The following RBFOX1 variants were observed in gnomAD, a reference collection of about 807,000 sequenced individuals.
RBFOX1 encodes the protein RNA binding fox-1 homolog 1.
In RBFOX1, 8 loss-of-function variants were observed where a neutral mutation model predicts 57.7. The observed-to-expected ratio is 0.14, with a 90% CI of 0.08 to 0.25. The LOEUF (loss-of-function observed/expected upper bound fraction) is 0.25. Ranked by LOEUF, RBFOX1 falls within the 10% of genes least tolerant of loss-of-function variation. RBFOX1 has a pLI of 1.00. For synonymous variants in RBFOX1, 326 were observed against 222.4 expected (o/e 1.47, Z -4.15); for missense variants, 611 against 548.5 (o/e 1.11, Z -1.14).
rs1033164859 is a variant in RBFOX1, at chr16:6,785,423, C to T, written c.-16+130773C>T. Among the ~76,000 whole-genome samples the T allele has an allele frequency of 1.3e-4, 20 of 152,048 alleles. No individual in the cohort carries two copies. In the South Asian group the frequency reaches 2.7e-3, roughly 21 times the overall value. ...GAGAGGTCACTGTTTTTAGGCTGGG[C>T]AAAACTGCATTGATCCTTAGGAAGA... is the stretch of plus-strand genomic sequence containing the variant. On this transcript the variant is annotated intron_variant, in intron 3 of 15. Coordinates refer to ENST00000550418, the MANE Select transcript of RBFOX1 (RefSeq NM_018723.4).
At chr16:7,205,951 C>T (rs1201189870) in intron 4 of RBFOX1, among the ~76,000 whole-genome samples, 1 of 152,220 alleles carries the variant, frequency 6.6e-6, no homozygotes, top group Non-Finnish European at 1.5e-5. Flanking sequence ...GCCTGGTTTT[C>T]TCATACGATT....
At chr16:5,608,349 T>C (rs1469978359) in intron 3 of RBFOX1, among the ~76,000 whole-genome samples, 2 of 152,294 alleles carry the variant, frequency 1.3e-5, no homozygotes, top group Admixed American at 1.3e-4. Context: ...TAGCATACCA[T>C]GATTCTGGGA....
At chr16:6,955,883 T>G (rs1431752542) in intron 3 of RBFOX1, among the ~76,000 whole-genome samples, 1 of 151,932 alleles carries the variant, frequency 6.6e-6, no homozygotes, top group Non-Finnish European at 1.5e-5. Context: ...ATTTTGTAAT[T>G]TTAGTAGAGA....
intron 1 of RBFOX1, among the ~76,000 whole-genome samples, chr16:6,192,731 G>C (rs945004540): frequency 6.6e-6 from 1 of 152,124 alleles, no homozygotes; most frequent in African/African-American, 2.4e-5. Context: ...TAATTGTACT[G>C]ACCTCATAAG....
intron 1 of RBFOX1, among the ~76,000 whole-genome samples, chr16:6,193,062 G>C (rs1352917512): frequency 1.3e-5 from 2 of 151,952 alleles, no homozygotes; most frequent in Non-Finnish European, 1.5e-5. Context: ...AATTAAAGCA[G>C]TTTGTGACGT....
chr16:6,821,993 G>A (rs1452259895), intron 3 of RBFOX1, among the ~76,000 whole-genome samples: 1 of 152,144 alleles, frequency 6.6e-6, no homozygotes, highest in African/African-American at 2.4e-5. Context: ...ATACTTCGCT[G>A]ACATACCTTC....
In RBFOX1 at chr16:6,850,974, C is replaced by T. The variant is rs116365229; in HGVS notation, c.-16+196324C>T. Among the ~76,000 whole-genome samples the T allele has an allele frequency of 7.0e-3, 1,072 of 152,170 alleles. 8 individuals carry two copies. Among genetic ancestry groups the T allele is most frequent in the African/African-American group, 0.024 (976 of 41,500 alleles). The stretch of plus-strand genomic sequence containing the variant: ...TAATAGCTAAAGACTGTAAATAGCC[C>T]GTATGTTTTCAGTGCATGAATGGTT... On this transcript the variant is annotated intron_variant, in intron 3 of 15. Transcript: ENST00000550418.
chr16:6,284,231 G>C (rs2152705549), intron 1 of RBFOX1, among the ~76,000 whole-genome samples: 1 of 152,200 alleles, frequency 6.6e-6, no homozygotes, highest in South Asian at 2.1e-4. Context: ...CTTTGGCTTT[G>C]CTATTGGTAC....
intron 1 of RBFOX1, among the ~76,000 whole-genome samples, chr16:6,292,422 A>T (rs182950963): frequency 2.6e-4 from 40 of 152,142 alleles, no homozygotes; most frequent in Non-Finnish European, 1.0e-4. Context: ...TTCTCAGACA[A>T]AAGTAGTTCT....
intron 2 of RBFOX1, among the ~76,000 whole-genome samples, chr16:6,562,956 T>A (rs1396939561): frequency 7.0e-6 from 1 of 142,564 alleles, no homozygotes; most frequent in African/African-American, 2.6e-5. Flanking sequence ...CACAGCCCTT[T>A]CCTGGGTATG....
intron 2 of RBFOX1, among the ~76,000 whole-genome samples, chr16:6,392,641 A>T (rs757022883): frequency 3.3e-5 from 5 of 152,212 alleles, no homozygotes; most frequent in Non-Finnish European, 7.3e-5. Flanking sequence ...TCCTGGGACT[A>T]ATAGACCCCC....
chr16:5,295,025 T>TAAA (rs34929778), intron 1 of RBFOX1, among the ~76,000 whole-genome samples: 39 of 80,388 alleles, frequency 4.9e-4, no homozygotes, highest in African/African-American at 1.1e-3. Context: ...GTGAGACTCT[T>TAAA]AAAAAAAAAA....
chr16:5,843,161 A>C (rs2056669547), intron 3 of RBFOX1, among the ~76,000 whole-genome samples: 1 of 152,108 alleles, frequency 6.6e-6, no homozygotes, highest in Non-Finnish European at 1.5e-5. Context: ...TTATAGGTTC[A>C]GGGGTACATG....
chr16:6,390,757 A>C (rs780921980), intron 2 of RBFOX1, among the ~76,000 whole-genome samples: 1 of 152,248 alleles, frequency 6.6e-6, no homozygotes, highest in Middle Eastern at 3.4e-3. Context: ...ATATCGGGGC[A>C]GGGGGTTAGT....
chr16:5,660,376 A>C (rs12598977), intron 3 of RBFOX1, among the ~76,000 whole-genome samples: 1 of 152,174 alleles, frequency 6.6e-6, no homozygotes, highest in South Asian at 2.1e-4. Flanking sequence ...TCCGGTGACT[A>C]TGAAGGGGTC....
chr16:5,306,629 A>G (rs2063942178), intron 1 of RBFOX1, among the ~76,000 whole-genome samples: 1 of 152,128 alleles, frequency 6.6e-6, no homozygotes, highest in Non-Finnish European at 1.5e-5. Context: ...AATTCTGATG[A>G]TTAGAGCTTT....
At chr16:6,127,250 C>G (rs1483609591) in intron 1 of RBFOX1, among the ~76,000 whole-genome samples, 1 of 151,620 alleles carries the variant, frequency 6.6e-6, no homozygotes. Flanking sequence ...CAAACCTATT[C>G]CATATCTCAG....
At chr16:7,580,600 G>GA (rs2093683831) in intron 6 of RBFOX1, among the ~76,000 whole-genome samples, 1 of 152,174 alleles carries the variant, frequency 6.6e-6, no homozygotes, top group Non-Finnish European at 1.5e-5. Flanking sequence ...GTGAAACACA[G>GA]AGCAGGCCAC....
intron 3 of RBFOX1, among the ~76,000 whole-genome samples, chr16:6,777,983 G>A (rs1253802179): frequency 3.3e-5 from 5 of 152,154 alleles, no homozygotes; most frequent in African/African-American, 1.2e-4. Context: ...ATAAATAGCA[G>A]TTTAAAACTC....
Sources: gnomAD v4.1 joint callset for allele counts (sites outside exome capture counted in the v4.1 genomes callset) on GRCh38, gnomAD v4.1.1 for gene constraint, MANE v1.5 for transcripts, NCBI Gene and HGNC (gene_info 2026-07-23, HGNC 2026-07-21) for gene names.